SPAG16: variants seen among roughly 807,000 people sequenced by gnomAD.
SPAG16 encodes the protein sperm associated antigen 16.
In SPAG16, 86 loss-of-function variants were observed where a neutral mutation model predicts 80.4. That is an observed-to-expected ratio of 1.07 (90% confidence interval 0.90 to 1.28). The LOEUF (loss-of-function observed/expected upper bound fraction) is 1.28, where lower values mean the gene tolerates loss of function less well. Among genes scored for constraint, SPAG16 ranks in the 50% most tolerant of loss-of-function variants. The probability of loss-of-function intolerance (pLI) is 0.00; values close to 1 mark genes in which losing one functional copy is unlikely to be tolerated. For synonymous variants in SPAG16, 294 were observed against 265.9 expected (o/e 1.11, Z -1.03); for missense variants, 870 against 765.3 (o/e 1.14, Z -1.61).
At chr2:214,400,432 G>A (rs1283360455) in intron 15 of SPAG16, among the ~76,000 whole-genome samples, 5 of 152,054 alleles carry the variant, frequency 3.3e-5, no homozygotes, top group Middle Eastern at 6.8e-3. Flanking sequence ...AACTATTTAT[G>A]TAGCATTTAT....
At chr2:213,590,997 C>T (rs1298501439) in intron 10 of SPAG16, among the ~76,000 whole-genome samples, 4 of 152,194 alleles carry the variant, frequency 2.6e-5, no homozygotes, top group Non-Finnish European at 5.9e-5. Context: ...TTTACAGCAA[C>T]ATGGATGCAG....
rs1396746847 is a variant in SPAG16 at position 214,212,492 on chromosome 2, A to G, written c.1720+63226A>G. The stretch of plus-strand genomic sequence containing the variant: ...TACCTGATACACGGGTTACATGTCC[A>G]TTGTTTGACTCTTGTGAAGTGAAGG... On this transcript the variant is annotated intron_variant, in intron 15 of 15. Coordinates refer to ENST00000331683, the MANE Select transcript of SPAG16 (RefSeq NM_024532.5). 3.3e-5 allele frequency among the ~76,000 whole-genome samples: 5 copies of G among 152,036 alleles called. No homozygotes were observed. In the East Asian group the frequency reaches 9.7e-4, roughly 29 times the overall value.
At chr2:213,578,562 C>T (rs986021612) in intron 10 of SPAG16, among the ~76,000 whole-genome samples, 1 of 152,072 alleles carries the variant, frequency 6.6e-6, no homozygotes, top group East Asian at 1.9e-4. Context: ...TTATGAACTA[C>T]AAATAAAATC....
chr2:214,094,873 G>A (rs1048868934), intron 13 of SPAG16, among the ~76,000 whole-genome samples: 1 of 152,112 alleles, frequency 6.6e-6, no homozygotes, highest in African/African-American at 2.4e-5. Flanking sequence ...CTTAAACTAC[G>A]TCCCAGGTGC....
intron 10 of SPAG16, among the ~76,000 whole-genome samples, chr2:213,739,827 C>T (rs570047326): frequency 7.9e-4 from 121 of 152,314 alleles, no homozygotes; most frequent in African/African-American, 2.8e-3. Flanking sequence ...GTCTCAAACT[C>T]CTGACCTCAG....
intron 14 of SPAG16, among the ~76,000 whole-genome samples, chr2:214,132,049 A>T (rs2054808816): frequency 6.6e-6 from 1 of 152,188 alleles, no homozygotes; most frequent in South Asian, 2.1e-4. Flanking sequence ...GACAGGACAT[A>T]TGAGAAATCT....
intron 11 of SPAG16, among the ~76,000 whole-genome samples, chr2:213,891,775 T>C (rs1319522726): frequency 6.6e-6 from 1 of 152,138 alleles, no homozygotes; most frequent in African/African-American, 2.4e-5. Flanking sequence ...GATGGTAAGA[T>C]AATAGGACTT....
intron 9 of SPAG16, among the ~76,000 whole-genome samples, chr2:213,444,261 C>T (rs1045604594): frequency 1.3e-5 from 2 of 152,132 alleles, no homozygotes; most frequent in African/African-American, 4.8e-5. Flanking sequence ...GAGGTTCTCT[C>T]CTGATTATAA....
intron 12 of SPAG16, among the ~76,000 whole-genome samples, chr2:213,970,299 T>G (rs76426681): frequency 8.5e-5 from 13 of 152,234 alleles, no homozygotes; most frequent in Middle Eastern, 6.8e-3. Flanking sequence ...TTTTTTTTTT[T>G]TTGTTTATTT....
At chr2:213,974,765 T>G (rs911693144) in intron 12 of SPAG16, among the ~76,000 whole-genome samples, 2 of 151,954 alleles carry the variant, frequency 1.3e-5, no homozygotes, top group African/African-American at 4.8e-5. Context: ...CATATCATTT[T>G]ATGAATGAGG....
rs139383604 is a variant in SPAG16 at position 214,330,700 on chromosome 2, C to T, written c.1721-79440C>T. ...CTGCTAGCTGGCCTTAGGAAAGGGA[C>T]AAACTCTTGAGCAAGGTAACTTCTT... On this transcript the variant is annotated intron_variant, in intron 15 of 15. Transcript: ENST00000331683. Among the ~76,000 whole-genome samples, 5 of 152,286 alleles carry T rather than the reference C, an allele frequency of 3.3e-5. No individual in the cohort carries two copies. The East Asian group carries it at 9.7e-4, about 29-fold the overall frequency.
At chr2:213,715,222 GTCTATCTATCTA>G (rs1553615157) in intron 10 of SPAG16, among the ~76,000 whole-genome samples, 8 of 110,460 alleles carry the variant, frequency 7.2e-5, no homozygotes, top group African/African-American at 1.1e-4. Flanking sequence ...AGATCTATCT[GTCTATCTATCTA>G]TCTATCTATC....
intron 5 of SPAG16, chr2:213,318,005 T>C (rs968915706): frequency 1.3e-5 from 2 of 152,180 alleles, no homozygotes; most frequent in Non-Finnish European, 2.9e-5. Context: ...CCATACAGGT[T>C]GAACTAATTT....
chr2:214,230,115 T>A (rs569750654), intron 15 of SPAG16, among the ~76,000 whole-genome samples: 3 of 151,946 alleles, frequency 2.0e-5, no homozygotes, highest in Non-Finnish European at 4.4e-5. Flanking sequence ...AATTTAATAT[T>A]CAGCCTCCTC....
chr2:214,043,441 A>AC (rs2049143898), intron 13 of SPAG16, among the ~76,000 whole-genome samples: 1 of 152,008 alleles, frequency 6.6e-6, no homozygotes, highest in African/African-American at 2.4e-5. Flanking sequence ...GGAGCACTCA[A>AC]CCCCCCAAAA....
In SPAG16 at chr2:214,129,242, G is replaced by A. The variant is rs59742033; in HGVS notation, c.1594-19898G>A. ...TTGGCATCCCTGGACCCTCAGCTTC[G>A]TTTCTTTAATTAGGGAGTCTGCTGT... On this transcript the variant is annotated intron_variant, in intron 14 of 15. Transcript: ENST00000331683. 5.1e-3 allele frequency among the ~76,000 whole-genome samples: 769 copies of A among 152,180 alleles called. 9 individuals are homozygous for A. The highest frequency in any genetic ancestry group is 0.017 in the African/African-American group (716 of 41,536).
At chr2:213,398,095 A>G (rs753904964) in intron 9 of SPAG16, among the ~76,000 whole-genome samples, 4 of 152,114 alleles carry the variant, frequency 2.6e-5, no homozygotes, top group Non-Finnish European at 5.9e-5. Context: ...AAGAAAAAGA[A>G]ATTATTTTGG....
chr2:213,527,388 T>C (rs1198017914), intron 10 of SPAG16, among the ~76,000 whole-genome samples: 1 of 152,226 alleles, frequency 6.6e-6, no homozygotes, highest in Non-Finnish European at 1.5e-5. Flanking sequence ...CTCTCTCTGC[T>C]TCTGTTGCTC....
intron 7 of SPAG16, among the ~76,000 whole-genome samples, chr2:213,353,905 T>A (rs1160768262): frequency 6.6e-6 from 1 of 152,204 alleles, no homozygotes. Context: ...TTCTATTTTT[T>A]TATACTTTAA....
Sources: allele counts gnomAD v4.1 joint callset (sites outside exome capture counted in the v4.1 genomes callset), GRCh38; gene constraint gnomAD v4.1.1; transcripts MANE v1.5; gene names NCBI Gene and HGNC (gene_info 2026-07-23, HGNC 2026-07-21).